CACNA2D3: variants seen among roughly 807,000 people sequenced by gnomAD.
CACNA2D3 encodes the protein calcium voltage-gated channel auxiliary subunit alpha2delta 3.
In CACNA2D3, 60 loss-of-function variants were observed where a neutral mutation model predicts 160.6. The observed-to-expected ratio is 0.37, with a 90% CI of 0.30 to 0.46. The LOEUF is 0.46. Among genes scored for constraint, CACNA2D3 ranks in the 20% least tolerant of loss-of-function variants. The pLI is 1.00. For synonymous variants in CACNA2D3, 558 were observed against 492.9 expected (o/e 1.13, Z -1.75); for missense variants, 1,205 against 1,365.0 (o/e 0.88, Z 1.85).
At chr3:54,468,454 C>T (rs972938811) in intron 4 of CACNA2D3, among the ~76,000 whole-genome samples, 8 of 152,200 alleles carry the variant, frequency 5.3e-5, no homozygotes, top group East Asian at 3.9e-4. Flanking sequence ...GAGATTCCCT[C>T]GGGTGCCTAG....
chr3:54,679,653 G>A (rs1700306557), intron 11 of CACNA2D3, among the ~76,000 whole-genome samples: 1 of 152,236 alleles, frequency 6.6e-6, no homozygotes. Context: ...GTCTCTGGCA[G>A]TTGCTGACAT....
intron 9 of CACNA2D3, among the ~76,000 whole-genome samples, chr3:54,623,720 T>C (rs1401403766): frequency 6.6e-6 from 1 of 152,200 alleles, no homozygotes; most frequent in Non-Finnish European, 1.5e-5. Context: ...TAATTGGCAG[T>C]GTCCAGTGCA....
intron 35 of CACNA2D3, among the ~76,000 whole-genome samples, chr3:55,037,594 A>G (rs1375973754): frequency 2.6e-5 from 4 of 152,236 alleles, no homozygotes; most frequent in Non-Finnish European, 5.9e-5. Context: ...TAGAGAGGGT[A>G]GAGAGTAAAC....
chr3:54,135,746 T>TG (rs1699802884), intron 2 of CACNA2D3, among the ~76,000 whole-genome samples: 1 of 152,204 alleles, frequency 6.6e-6, no homozygotes, highest in Non-Finnish European at 1.5e-5. Flanking sequence ...GAGCCTGACC[T>TG]ACTCATTTAG....
At chr3:54,724,808 A>G (rs1054967403) in intron 11 of CACNA2D3, among the ~76,000 whole-genome samples, 4 of 152,202 alleles carry the variant, frequency 2.6e-5, no homozygotes, top group African/African-American at 7.2e-5. Flanking sequence ...AATGCCCACA[A>G]GAGAAAGCAG....
chr3:54,933,003 A>G (rs964313550), intron 27 of CACNA2D3, among the ~76,000 whole-genome samples: 1 of 152,208 alleles, frequency 6.6e-6, no homozygotes, highest in Non-Finnish European at 1.5e-5. Flanking sequence ...CACAGTTTAT[A>G]CAGAGCTATT....
intron 29 of CACNA2D3, among the ~76,000 whole-genome samples, chr3:54,979,313 G>A (rs1246834397): frequency 3.3e-5 from 5 of 152,156 alleles, no homozygotes; most frequent in Non-Finnish European, 4.4e-5. Context: ...TTCCTTAAAG[G>A]TAAACACACC....
intron 13 of CACNA2D3, among the ~76,000 whole-genome samples, chr3:54,785,869 T>G (rs541928181): frequency 4.6e-5 from 7 of 152,272 alleles, no homozygotes; most frequent in Middle Eastern, 3.4e-3. Context: ...TCCCTTCTTA[T>G]CATTAGCAAT....
intron 9 of CACNA2D3, among the ~76,000 whole-genome samples, chr3:54,591,783 G>A (rs1228986850): frequency 1.3e-5 from 2 of 151,962 alleles, no homozygotes; most frequent in Admixed American, 1.3e-4. Context: ...TTGTGTGATG[G>A]GGATGGAGAA....
At chr3:54,884,752 T>C (rs1248580471) in intron 21 of CACNA2D3, among the ~76,000 whole-genome samples, 1 of 152,240 alleles carries the variant, frequency 6.6e-6, no homozygotes, top group Non-Finnish European at 1.5e-5. Context: ...CAATCTTTGC[T>C]GCTCAAAAAC....
intron 35 of CACNA2D3, among the ~76,000 whole-genome samples, chr3:55,045,694 G>A (rs1449580058): frequency 6.6e-6 from 1 of 151,982 alleles, no homozygotes; most frequent in African/African-American, 2.4e-5. Flanking sequence ...TGATTGTTTT[G>A]TATTTCCTTA....
At chr3:54,507,455 G>A (rs532668458) in intron 5 of CACNA2D3, among the ~76,000 whole-genome samples, 1 of 152,284 alleles carries the variant, frequency 6.6e-6, no homozygotes, top group East Asian at 1.9e-4. Context: ...GGACCCTGCA[G>A]ATGCAGCCTT....
rs539146197 is a variant in CACNA2D3, at chr3:54,286,740, T to C, written c.205-33702T>C. Among the ~76,000 whole-genome samples the C allele has an allele frequency of 5.0e-3, 758 of 152,272 alleles. 5 individuals carry two copies. The highest frequency in any genetic ancestry group is 9.5e-3 in the Non-Finnish European group (643 of 68,022). ...ACTAACCGGATCTCTCGGCAGAAAC[T>C]CTACAAGCCAGAAGAGAGTGGGGGC... On this transcript the variant is annotated intron_variant, in intron 2 of 37. Transcript: ENST00000474759.
chr3:54,420,216 C>CT (rs936059308), intron 4 of CACNA2D3, among the ~76,000 whole-genome samples: 1 of 152,180 alleles, frequency 6.6e-6, no homozygotes, highest in African/African-American at 2.4e-5. Context: ...TCCTGAGTAG[C>CT]TGGGTCTACA....
At chr3:54,361,883 G>A (rs1254620783) in intron 3 of CACNA2D3, among the ~76,000 whole-genome samples, 1 of 152,180 alleles carries the variant, frequency 6.6e-6, no homozygotes, top group African/African-American at 2.4e-5. Context: ...AAGTCTGGTG[G>A]AATTTTATGC....
intron 17 of CACNA2D3, among the ~76,000 whole-genome samples, chr3:54,869,393 G>A (rs1395578342): frequency 6.6e-6 from 1 of 152,244 alleles, no homozygotes; most frequent in East Asian, 1.9e-4. Context: ...CCACAAGTAA[G>A]TCCTTGGGAA....
At chr3:54,699,547 C>T (rs1700727896) in intron 11 of CACNA2D3, among the ~76,000 whole-genome samples, 1 of 152,122 alleles carries the variant, frequency 6.6e-6, no homozygotes, top group South Asian at 2.1e-4. Flanking sequence ...CGTCCTGCTG[C>T]CTTGTGTTTA....
At chr3:54,315,050 C>T (rs1194868748) in intron 2 of CACNA2D3, among the ~76,000 whole-genome samples, 1 of 152,182 alleles carries the variant, frequency 6.6e-6, no homozygotes, top group Non-Finnish European at 1.5e-5. Flanking sequence ...TAAAAAGGCC[C>T]ATTGCCTGCA....
chr3:54,613,327 T>G (rs1281369982), intron 9 of CACNA2D3, among the ~76,000 whole-genome samples: 1 of 152,226 alleles, frequency 6.6e-6, no homozygotes, highest in Non-Finnish European at 1.5e-5. Context: ...TGCAGAGATT[T>G]CTCTGCTGTT....
Sources: allele counts gnomAD v4.1 joint callset (sites outside exome capture counted in the v4.1 genomes callset), GRCh38; gene constraint gnomAD v4.1.1; transcripts MANE v1.5; gene names NCBI Gene and HGNC (gene_info 2026-07-23, HGNC 2026-07-21).